The following RNF11 variants were observed in gnomAD, a reference collection of about 807,000 sequenced individuals.
RNF11 encodes the protein ring finger protein 11.
Under a neutral mutation model 15.8 loss-of-function variants are expected in RNF11, and 4 were observed. The ratio of observed to expected loss-of-function variants is 0.25; its 90% CI spans 0.12 to 0.58. The LOEUF is 0.58. Among genes scored for constraint, RNF11 ranks in the 20% least tolerant of loss-of-function variants. The pLI is 0.91. For missense variants in RNF11, 139 were observed against 194.4 expected (o/e 0.71, Z 1.70); for synonymous variants, 68 against 72.3 (o/e 0.94, Z 0.30).
Position 51,236,589 on chromosome 1 carries a change from C to A in RNF11, c.-168C>A. The A allele has an allele frequency of 1.5e-6, 1 of 654,734 alleles. No homozygotes were observed. 40.6% of individuals were successfully genotyped at this position (654,734 alleles called of 1,614,324 possible). On this transcript the variant is annotated 5_prime_UTR_variant, in exon 1 of 3. In the 5' UTR this introduces an upstream ATG that the reference lacks. Transcript: ENST00000242719. ...AGCCTTGATCCCCCAACCCCGGGGG[C>A]TGGCATGAGCGGCCCCTCGGCGGCA...
At chr1:51,240,845 T>C (rs1451414892) in intron 1 of RNF11, among the ~76,000 whole-genome samples, 2 of 152,154 alleles carry the variant, frequency 1.3e-5, no homozygotes, top group East Asian at 3.9e-4. Flanking sequence ...TTTCTCTTTT[T>C]TGAGACCAAG....
intron 1 of RNF11, among the ~76,000 whole-genome samples, chr1:51,252,081 C>CAAAAAAAAAAAAAA (rs928146865): frequency 1.1e-4 from 6 of 53,622 alleles, no homozygotes; most frequent in Non-Finnish European, 1.8e-4. Context: ...CATCTCAAAG[C>CAAAAAAAAAAAAAA]AAAAAAAAAA....
chr1:51,264,588 C>T (rs1038955382), intron 1 of RNF11, among the ~76,000 whole-genome samples: 2 of 152,046 alleles, frequency 1.3e-5, no homozygotes, highest in African/African-American at 4.8e-5. Context: ...GTGCCAGCAG[C>T]AGCTTGTAAG....
chr1:51,236,889 G>A lies in RNF11; in HGVS notation c.123+10G>A. The A allele has an allele frequency of 1.2e-6, 2 of 1,607,620 alleles. No individual in the cohort carries two copies. Among genetic ancestry groups the A allele is most frequent in the Non-Finnish European group, 1.7e-6 (2 of 1,177,070 alleles). On this transcript the variant is annotated intron_variant, in intron 1 of 2. Transcript: ENST00000242719. ...GCCGCCGCCATATCAGGTAGGGGAG[G>A]GTGTGTGTTGGGGGGAGCGAGTAGA...
chr1:51,272,891 TA>T lies in RNF11; in HGVS notation c.*1571del, dbSNP rs1285217573. ...CATTATAGAGGAATGTAGTATGTCATAAGTACTTTGTAAAGATTTGACATTC... is the reference window on the plus strand; with the variant it reads ...CATTATAGAGGAATGTAGTATGTCATAGTACTTTGTAAAGATTTGACATTC... On this transcript the variant is annotated 3_prime_UTR_variant, in exon 3 of 3. Transcript: ENST00000242719. 1 of 152,266 alleles carries T rather than the reference TA, an allele frequency of 6.6e-6. No homozygotes were observed. The highest frequency in any genetic ancestry group is 2.4e-5 in the African/African-American group (1 of 41,578). The allele number at this position is 152,266 out of a possible 1,614,324, so 9.4% of individuals were successfully genotyped here. A position where few individuals can be genotyped will look rare whatever the true frequency, so the allele number is the denominator to read the frequency against.
At chr1:51,262,715 CTTTT>C (rs35542254) in intron 1 of RNF11, among the ~76,000 whole-genome samples, 14 of 84,092 alleles carry the variant, frequency 1.7e-4, no homozygotes, top group African/African-American at 6.8e-4. Context: ...GCCTGCTAAT[CTTTT>C]TTTTTTTTTT....
Position 51,236,917 on chromosome 1 carries a change from C to CA in RNF11, c.123+39dup, listed in dbSNP as rs747284022. The CA allele has an allele frequency of 9.0e-5, 142 of 1,581,188 alleles. No homozygotes were observed. In the Admixed American group the frequency reaches 1.1e-3, roughly 12 times the overall value. On this transcript the variant is annotated intron_variant, in intron 1 of 2. Transcript: ENST00000242719. ...GTGTGTTGGGGGGAGCGAGTAGAGG[C>CA]AGCTCTGGCGGAGATTGAGGGGGCT... is the stretch of plus-strand genomic sequence containing the variant.
chr1:51,247,439 GTTTTTTGT>G (rs1485890332), intron 1 of RNF11, among the ~76,000 whole-genome samples: 1 of 148,590 alleles, frequency 6.7e-6, no homozygotes. Flanking sequence ...GAAGTATGTG[GTTTTTTGT>G]TTTTTTGTTT....
rs1302599952 is a variant in RNF11 at position 51,242,385 on chromosome 1, G to C, written c.123+5506G>C. Among the ~76,000 whole-genome samples the C allele has an allele frequency of 5.6e-5, 8 of 144,110 alleles. No homozygotes were observed. In the Admixed American group the frequency reaches 5.7e-4, roughly 10 times the overall value. 94.5% of individuals were successfully genotyped at this position (144,110 alleles called of 152,430 possible). On this transcript the variant is annotated intron_variant, in intron 1 of 2. Coordinates refer to ENST00000242719, the MANE Select transcript of RNF11 (RefSeq NM_014372.5). ...CTCACACCTGTCATCCCAGCACTTAGGTGGCAGAGGCAGGAGGATCACTTG... is the reference window on the plus strand; with the variant it reads ...CTCACACCTGTCATCCCAGCACTTACGTGGCAGAGGCAGGAGGATCACTTG...
At position 51,270,141 on chromosome 1, in the gene RNF11, T is replaced by C. The variant is rs770714007; in HGVS notation, c.293+16T>C. 13 of 1,576,050 alleles carry C rather than the reference T, an allele frequency of 8.2e-6. No homozygotes were observed. The highest frequency in any genetic ancestry group is 1.1e-5 in the Non-Finnish European group (13 of 1,164,976). ...AGATCCGGGAGTAAGTTTTAATTAA[T>C]TTGTACATTTCAAAGTTTTATTTTC... On this transcript the variant is annotated intron_variant, in intron 2 of 2. Transcript: ENST00000242719.
chr1:51,259,753 A>C (rs772438139), intron 1 of RNF11, among the ~76,000 whole-genome samples: 1 of 152,238 alleles, frequency 6.6e-6, no homozygotes, highest in Non-Finnish European at 1.5e-5. Context: ...TCAGTGAATT[A>C]AAGATTGGTG....
In RNF11 at chr1:51,250,141, T is replaced by C. The variant is rs181856772; in HGVS notation, c.123+13262T>C. Among the ~76,000 whole-genome samples, 6 of 152,248 alleles carry C rather than the reference T, an allele frequency of 3.9e-5. No homozygotes were observed. The East Asian group carries it at 9.6e-4, about 24-fold the overall frequency. On this transcript the variant is annotated intron_variant, in intron 1 of 2. Coordinates refer to ENST00000242719, the MANE Select transcript of RNF11 (RefSeq NM_014372.5). Reference sequence around the variant, plus strand: ...TATCTGGTATTGTCAATCTTTATTTTTGAAACTTTTTTTAGCTTTGAAGTA... The same window carrying C: ...TATCTGGTATTGTCAATCTTTATTTCTGAAACTTTTTTTAGCTTTGAAGTA...
At chr1:51,271,120 C>T in intron 2 of RNF11, 31 bp from the exon 3 acceptor site, 1 of 1,591,544 alleles carries the variant, frequency 6.3e-7, no homozygotes, top group South Asian at 1.1e-5. Context: ...TCTGAAAATG[C>T]CTTCTGATTT....
intron 1 of RNF11, among the ~76,000 whole-genome samples, chr1:51,244,521 G>A (rs2148065781): frequency 6.6e-6 from 1 of 152,230 alleles, no homozygotes. Context: ...CGAGTAGCTG[G>A]GACTACAGGT....
chr1:51,257,858 T>TTTTC (rs1256583471), intron 1 of RNF11, among the ~76,000 whole-genome samples: 79 of 140,372 alleles, frequency 5.6e-4, no homozygotes, highest in African/African-American at 2.2e-3. Flanking sequence ...CTTTTCTTTT[T>TTTTC]TTTTTTTTTT....
intron 1 of RNF11, among the ~76,000 whole-genome samples, chr1:51,243,990 C>T (rs1440270948): frequency 3.3e-5 from 5 of 152,162 alleles, no homozygotes; most frequent in Middle Eastern, 3.2e-3. Context: ...TTCTAATATC[C>T]AGGGCCCAGT....
At chr1:51,252,081 C>CAAAA (rs928146865) in intron 1 of RNF11, among the ~76,000 whole-genome samples, 127 of 53,538 alleles carry the variant, frequency 2.4e-3, no homozygotes, top group South Asian at 3.4e-3. Flanking sequence ...CATCTCAAAG[C>CAAAA]AAAAAAAAAA....
chr1:51,243,650 G>A (rs1300157544), intron 1 of RNF11, among the ~76,000 whole-genome samples: 3 of 152,124 alleles, frequency 2.0e-5, no homozygotes, highest in Non-Finnish European at 4.4e-5. Context: ...TATTGCTCAG[G>A]CTGGTGTGCA....
intron 1 of RNF11, chr1:51,250,771 C>G: frequency 2.1e-6 from 3 of 1,417,068 alleles, no homozygotes; most frequent in South Asian, 1.1e-5. Flanking sequence ...GTGGCCTTGG[C>G]GAAGTTGCCC....
Sources: allele counts gnomAD v4.1 joint callset (sites outside exome capture counted in the v4.1 genomes callset), GRCh38; gene constraint gnomAD v4.1.1; transcripts MANE v1.5; gene names NCBI Gene and HGNC (gene_info 2026-07-23, HGNC 2026-07-21).